LRRTM4: variants seen among roughly 807,000 people sequenced by gnomAD.
LRRTM4 encodes the protein leucine rich repeat transmembrane neuronal 4, also known as leucine-rich repeat transmembrane neuronal protein 4.
LRRTM4 carries 25 observed loss-of-function variants against 47.6 expected under a neutral mutation model. The observed-to-expected ratio is 0.53, with a 90% CI of 0.38 to 0.73. The LOEUF is 0.73. Ranked by LOEUF, LRRTM4 falls within the 30% of genes least tolerant of loss-of-function variation. The pLI, the probability that LRRTM4 is intolerant of heterozygous loss-of-function variation, is 0.00. For missense variants in LRRTM4, 638 were observed against 713.4 expected (o/e 0.89, Z 1.20); for synonymous variants, 311 against 269.5 (o/e 1.15, Z -1.51).
At chr2:76,971,152 CA>C (rs1388439805) in intron 3 of LRRTM4, among the ~76,000 whole-genome samples, 1 of 151,940 alleles carries the variant, frequency 6.6e-6, no homozygotes, top group Non-Finnish European at 1.5e-5. Flanking sequence ...AAAGTCTTCC[CA>C]AACAGTTAAA....
chr2:76,820,225 G>C (rs565188529), intron 3 of LRRTM4, among the ~76,000 whole-genome samples: 69 of 151,782 alleles, frequency 4.5e-4, no homozygotes, highest in Non-Finnish European at 9.3e-4. Flanking sequence ...TTCAGTCTTT[G>C]TTGGATAATC....
chr2:76,802,198 G>T (rs76856229), intron 3 of LRRTM4, among the ~76,000 whole-genome samples: 4,517 of 147,518 alleles, frequency 0.031, 220 homozygotes, highest in African/African-American at 0.093. Context: ...ATTGTCAGAC[G>T]ACATGATCTT....
intron 3 of LRRTM4, among the ~76,000 whole-genome samples, chr2:76,798,236 T>C (rs1675460367): frequency 6.6e-6 from 1 of 151,876 alleles, no homozygotes; most frequent in African/African-American, 2.4e-5. Context: ...AGAGCAGAGA[T>C]TATAACAAAC....
intron 3 of LRRTM4, among the ~76,000 whole-genome samples, chr2:76,876,059 A>T (rs1359215468): frequency 6.6e-6 from 1 of 152,134 alleles, no homozygotes; most frequent in Admixed American, 6.6e-5. Context: ...GTCTCCAAGG[A>T]ATCTGCTCTC....
intron 3 of LRRTM4, among the ~76,000 whole-genome samples, chr2:77,214,589 T>C (rs1305481481): frequency 6.6e-6 from 1 of 152,176 alleles, no homozygotes; most frequent in Non-Finnish European, 1.5e-5. Flanking sequence ...AGATTTAATT[T>C]ATTGAGTTCA....
chr2:77,195,131 A>G (rs1045048350), intron 3 of LRRTM4, among the ~76,000 whole-genome samples: 27 of 152,096 alleles, frequency 1.8e-4, no homozygotes, highest in African/African-American at 6.3e-4. Flanking sequence ...TGTATTTACT[A>G]TATAAGAATC....
intron 3 of LRRTM4, among the ~76,000 whole-genome samples, chr2:77,018,883 T>C (rs1678167865): frequency 6.6e-6 from 1 of 152,312 alleles, no homozygotes; most frequent in East Asian, 1.9e-4. Flanking sequence ...AGGAATATTT[T>C]AGTCTAATTT....
chr2:77,358,560 C>T (rs1223175880), intron 3 of LRRTM4, among the ~76,000 whole-genome samples: 7 of 152,058 alleles, frequency 4.6e-5, no homozygotes, highest in Admixed American at 1.3e-4. Flanking sequence ...GAACCATAGC[C>T]GCTTCAACGC....
chr2:76,823,815 A>C (rs1462098289), intron 3 of LRRTM4, among the ~76,000 whole-genome samples: 1 of 151,530 alleles, frequency 6.6e-6, no homozygotes, highest in Non-Finnish European at 1.5e-5. Flanking sequence ...AATGTTTGCC[A>C]TGTATATGTT....
At chr2:76,934,825 A>G (rs1339304198) in intron 3 of LRRTM4, among the ~76,000 whole-genome samples, 1 of 152,208 alleles carries the variant, frequency 6.6e-6, no homozygotes, top group Non-Finnish European at 1.5e-5. Context: ...TCCTGTAGAC[A>G]TTTACTCAGA....
intron 3 of LRRTM4, among the ~76,000 whole-genome samples, chr2:77,035,096 G>A (rs932441718): frequency 1.3e-5 from 2 of 150,536 alleles, no homozygotes; most frequent in African/African-American, 2.4e-5. Flanking sequence ...AAGTTCTAGG[G>A]TACATGCGCA....
At chr2:76,795,390 A>G (rs1440131012) in intron 3 of LRRTM4, among the ~76,000 whole-genome samples, 2 of 152,212 alleles carry the variant, frequency 1.3e-5, no homozygotes, top group African/African-American at 4.8e-5. Flanking sequence ...CAATTAACAA[A>G]AAGTCTATAC....
At chr2:77,318,761 G>T (rs1229103333) in intron 3 of LRRTM4, among the ~76,000 whole-genome samples, 2 of 152,068 alleles carry the variant, frequency 1.3e-5, no homozygotes, top group African/African-American at 4.8e-5. Context: ...TCCATCAACG[G>T]ACTCTCATTT....
At chr2:77,299,084 A>G (rs290050) in intron 3 of LRRTM4, among the ~76,000 whole-genome samples, 24,374 of 152,022 alleles carry the variant, frequency 0.16, 3,868 homozygotes, top group African/African-American at 0.41. Context: ...ACACAGGGAG[A>G]TTCCTTTCTG....
intron 3 of LRRTM4, among the ~76,000 whole-genome samples, chr2:77,489,052 T>C (rs1455795094): frequency 6.6e-6 from 1 of 151,678 alleles, no homozygotes; most frequent in Non-Finnish European, 1.5e-5. Flanking sequence ...TAAAATAAAA[T>C]GTCACAAACC....
chr2:77,507,199 T>A (rs1678809145), intron 3 of LRRTM4, among the ~76,000 whole-genome samples: 1 of 152,150 alleles, frequency 6.6e-6, no homozygotes, highest in Non-Finnish European at 1.5e-5. Context: ...TATCTCAGAA[T>A]AACCTGTATC....
At chr2:77,050,055 T>C (rs1045308434) in intron 3 of LRRTM4, among the ~76,000 whole-genome samples, 1 of 151,958 alleles carries the variant, frequency 6.6e-6, no homozygotes, top group Non-Finnish European at 1.5e-5. Context: ...TAAACACTTG[T>C]CCTTTGGAGC....
At position 77,103,008 on chromosome 2, in the gene LRRTM4, T is replaced by C. The variant is rs1670997170; in HGVS notation, c.1552-354092A>G. ...CTTTAATAGCTGAAGTTTGCCAAAA[T>C]GGTAGACACGAGATTGAAGGGCAAA... On this transcript the variant is annotated intron_variant, in intron 3 of 3. Transcript: ENST00000409884. 2.0e-5 allele frequency among the ~76,000 whole-genome samples: 3 copies of C among 152,178 alleles called. No homozygotes were observed. In the South Asian group the frequency reaches 6.2e-4, roughly 31 times the overall value.
intron 3 of LRRTM4, among the ~76,000 whole-genome samples, chr2:77,359,325 T>C (rs907084548): frequency 2.0e-5 from 3 of 152,182 alleles, no homozygotes; most frequent in Admixed American, 2.0e-4. Context: ...ATGAGATTTT[T>C]ATATAATCAA....
Sources: gnomAD v4.1 joint callset for allele counts (sites outside exome capture counted in the v4.1 genomes callset) on GRCh38, gnomAD v4.1.1 for gene constraint, MANE v1.5 for transcripts, NCBI Gene and HGNC (gene_info 2026-07-23, HGNC 2026-07-21) for gene names.